Variants in MAP2K6 observed in about 807,000 individuals in gnomAD.
MAP2K6 encodes dual specificity mitogen-activated protein kinase kinase 6.
Under a neutral mutation model 53.7 loss-of-function variants are expected in MAP2K6, and 16 were observed. The observed-to-expected ratio is 0.30, with a 90% CI of 0.20 to 0.45. The LOEUF (loss-of-function observed/expected upper bound fraction) is 0.45. MAP2K6 is among the 20% of genes least tolerant of loss of function. The probability of loss-of-function intolerance (pLI) is 1.00; values close to 1 mark genes in which losing one functional copy is unlikely to be tolerated. For missense variants in MAP2K6, 204 were observed against 411.9 expected (o/e 0.50, Z 4.37); for synonymous variants, 132 against 143.1 (o/e 0.92, Z 0.55).
At position 69,553,786 on chromosome 17, in the gene MAP2K6, G is replaced by A. The variant is rs895400328; in HGVS notation, c.*12033G>A. Reference sequence around the variant, plus strand: ...GACAAGTAACATTAAGTATTCAGGAGCAAAGTGTTCTTGAAAGAAAATGGT... The same window carrying A: ...GACAAGTAACATTAAGTATTCAGGAACAAAGTGTTCTTGAAAGAAAATGGT... On this transcript the variant is annotated 3_prime_UTR_variant, in exon 12 of 12. Coordinates refer to ENST00000590474, the MANE Select transcript of MAP2K6 (RefSeq NM_002758.4). The A allele has an allele frequency of 6.6e-6, 1 of 152,158 alleles. No individual in the cohort carries two copies. The highest frequency in any genetic ancestry group is 2.4e-5 in the African/African-American group (1 of 41,428). The allele number at this position is 152,158 out of a possible 1,614,324, so 9.4% of individuals were successfully genotyped here.
At chr17:69,495,697 C>A (rs1202200503) in intron 1 of MAP2K6, among the ~76,000 whole-genome samples, 17 of 151,542 alleles carry the variant, frequency 1.1e-4, no homozygotes, top group Non-Finnish European at 4.4e-5. Flanking sequence ...AGAATAATAT[C>A]ATTTCACTCG....
At chr17:69,532,036 C>T (rs2144850765) in intron 10 of MAP2K6, among the ~76,000 whole-genome samples, 1 of 152,318 alleles carries the variant, frequency 6.6e-6, no homozygotes, top group East Asian at 1.9e-4. Context: ...AGCTGGACTT[C>T]CCTTTGGCTT....
At chr17:69,514,693 C>T (rs1387138119) in intron 2 of MAP2K6, among the ~76,000 whole-genome samples, 1 of 152,024 alleles carries the variant, frequency 6.6e-6, no homozygotes, top group African/African-American at 2.4e-5. Context: ...TCCCGAATAG[C>T]TGGGATTACA....
chr17:69,545,532 C>CA lies in MAP2K6; in HGVS notation c.*3785dup, dbSNP rs1457982427. 5 of 152,256 alleles carry CA rather than the reference C, an allele frequency of 3.3e-5. No homozygotes were observed. Among genetic ancestry groups the CA allele is most frequent in the African/African-American group, 1.2e-4 (5 of 41,542 alleles). 9.4% of individuals were successfully genotyped at this position (152,256 alleles called of 1,614,324 possible). A position where few individuals can be genotyped will look rare whatever the true frequency, so the allele number is the denominator to read the frequency against. On this transcript the variant is annotated 3_prime_UTR_variant, in exon 12 of 12. Transcript: ENST00000590474. Reference sequence around the variant, plus strand: ...GTTCTTGTATATCCTTCAAGCCTAACAAAAAATTGTATGTGCCAGAGATTC... The same window carrying CA: ...GTTCTTGTATATCCTTCAAGCCTAACAAAAAAATTGTATGTGCCAGAGATTC...
chr17:69,484,116 T>G (rs1193178028), intron 1 of MAP2K6, among the ~76,000 whole-genome samples: 1 of 152,086 alleles, frequency 6.6e-6, no homozygotes, highest in Non-Finnish European at 1.5e-5. Flanking sequence ...TAAAAATTTT[T>G]CTGTGGCAAA....
At chr17:69,508,889 C>T (rs1170420223) in intron 2 of MAP2K6, among the ~76,000 whole-genome samples, 1 of 152,208 alleles carries the variant, frequency 6.6e-6, no homozygotes, top group Non-Finnish European at 1.5e-5. Flanking sequence ...CATTGAATTG[C>T]TTCTGCTCCT....
At chr17:69,503,823 A>G (rs1249796648) in intron 1 of MAP2K6, among the ~76,000 whole-genome samples, 1 of 152,204 alleles carries the variant, frequency 6.6e-6, no homozygotes, top group African/African-American at 2.4e-5. Flanking sequence ...TTTGATTCTC[A>G]TATCAGTCCA....
At position 69,542,450 on chromosome 17, in the gene MAP2K6, T is replaced by G. The variant is rs1290985895; in HGVS notation, c.*697T>G. 6.6e-6 allele frequency: 1 copy of G among 152,630 alleles called. No homozygotes were observed. The highest frequency in any genetic ancestry group is 1.5e-5 in the Non-Finnish European group (1 of 68,048). The allele number at this position is 152,630 out of a possible 1,614,324, so 9.5% of individuals were successfully genotyped here. On this transcript the variant is annotated 3_prime_UTR_variant, in exon 12 of 12. Coordinates refer to ENST00000590474, the MANE Select transcript of MAP2K6 (RefSeq NM_002758.4). ...AAGTGACAAGATGCTCTGGTCATAC[T>G]CTTTTTCCCAACTTTGGAAAACATA...
intron 11 of MAP2K6, 53 bp from the exon 12 acceptor site, chr17:69,541,623 A>G: frequency 7.6e-7 from 1 of 1,318,856 alleles, no homozygotes; most frequent in Non-Finnish European, 1.1e-6. Context: ...CTAATCTCAT[A>G]TATTGATTGT....
chr17:69,518,150 A>T (rs753193380), intron 4 of MAP2K6, among the ~76,000 whole-genome samples: 1 of 152,140 alleles, frequency 6.6e-6, no homozygotes, highest in African/African-American at 2.4e-5. Flanking sequence ...AGATCGTGCC[A>T]CTGCACTCCG....
At chr17:69,495,641 C>CG (rs1908918702) in intron 1 of MAP2K6, among the ~76,000 whole-genome samples, 1 of 152,012 alleles carries the variant, frequency 6.6e-6, no homozygotes, top group South Asian at 2.1e-4. Context: ...CCTATTTTAT[C>CG]TGTATCTCTA....
chr17:69,423,962 C>T (rs1013730462), intron 1 of MAP2K6, among the ~76,000 whole-genome samples: 2 of 152,132 alleles, frequency 1.3e-5, no homozygotes, highest in African/African-American at 2.4e-5. Flanking sequence ...TCAAAAATAA[C>T]TCTCCTGCTA....
rs1246593694 is a variant in MAP2K6 at position 69,549,046 on chromosome 17, A to G, written c.*7293A>G. The G allele has an allele frequency of 6.6e-6, 1 of 152,216 alleles. No homozygotes were observed. The highest frequency in any genetic ancestry group is 1.5e-5 in the Non-Finnish European group (1 of 68,034). The allele number at this position is 152,216 out of a possible 1,614,324, so 9.4% of individuals were successfully genotyped here. ...AAACACGTGTTAATAGAACTTAAAA[A>G]TACTCAGCCTAATTCCTTGGGACTT... On this transcript the variant is annotated 3_prime_UTR_variant, in exon 12 of 12. Transcript: ENST00000590474.
At chr17:69,449,313 ATAGT>A (rs1290992314) in intron 1 of MAP2K6, among the ~76,000 whole-genome samples, 1 of 151,784 alleles carries the variant, frequency 6.6e-6, no homozygotes, top group African/African-American at 2.4e-5. Flanking sequence ...CTATACATAG[ATAGT>A]TAATATATGT....
intron 1 of MAP2K6, chr17:69,502,215 CA>C: frequency 4.1e-6 from 4 of 985,460 alleles, no homozygotes; most frequent in Non-Finnish European, 4.8e-6. Context: ...AATGAGCTTG[CA>C]GAGGTTTGCT....
chr17:69,494,732 G>A lies in MAP2K6; in HGVS notation c.17-11048G>A, dbSNP rs1053658005. Reference sequence around the variant, plus strand: ...GTGCTATTAAAATTGTGGGCCGGGCGTGGTGGCTCATGCCTGTAATCCCAG... The same window carrying A: ...GTGCTATTAAAATTGTGGGCCGGGCATGGTGGCTCATGCCTGTAATCCCAG... On this transcript the variant is annotated intron_variant, in intron 1 of 11. Coordinates refer to ENST00000590474, the MANE Select transcript of MAP2K6 (RefSeq NM_002758.4). This position sits in a 1 kb window ranked among gnomAD's most constrained non-coding sequence, Gnocchi z 4.2. Among the ~76,000 whole-genome samples, 8 of 151,600 alleles carry A rather than the reference G, an allele frequency of 5.3e-5. No individual in the cohort carries two copies. The highest frequency in any genetic ancestry group is 8.8e-5 in the Non-Finnish European group (6 of 67,898).
chr17:69,514,680 G>T (rs1001988885), intron 2 of MAP2K6, among the ~76,000 whole-genome samples: 1 of 151,966 alleles, frequency 6.6e-6, no homozygotes. Flanking sequence ...TCCTGCCTCA[G>T]CCTCCCGAAT....
chr17:69,468,296 A>G (rs112039582), intron 1 of MAP2K6, among the ~76,000 whole-genome samples: 9 of 152,236 alleles, frequency 5.9e-5, no homozygotes, highest in African/African-American at 1.7e-4. Flanking sequence ...TAATCTCTCA[A>G]TTAGTTTTCC....
chr17:69,502,079 G>A, intron 1 of MAP2K6: 3 of 755,978 alleles, frequency 4.0e-6, no homozygotes, highest in Non-Finnish European at 4.8e-6. Context: ...AAAAGCTGCA[G>A]AACATGGTAC....
Sources: allele counts gnomAD v4.1 joint callset (sites outside exome capture counted in the v4.1 genomes callset), GRCh38; gene constraint gnomAD v4.1.1; non-coding constraint Gnocchi (gnomAD v3.1); transcripts MANE v1.5; gene names NCBI Gene and HGNC (gene_info 2026-07-23, HGNC 2026-07-21).